DCTN5: variants seen among roughly 807,000 people sequenced by gnomAD.
DCTN5 encodes dynactin subunit 5.
Under a neutral mutation model 23.5 loss-of-function variants are expected in DCTN5, and 14 were observed. The observed-to-expected ratio is 0.60, with a 90% CI of 0.39 to 0.93. The LOEUF (loss-of-function observed/expected upper bound fraction) is 0.93, where lower values mean the gene tolerates loss of function less well. DCTN5 is among the 40% of genes least tolerant of loss of function. DCTN5 has a pLI of 0.00. For synonymous variants in DCTN5, 67 were observed against 79.6 expected (o/e 0.84, Z 0.84); for missense variants, 156 against 225.9 (o/e 0.69, Z 1.98).
chr16:23,642,843 C>A, intron 1 of DCTN5, 112 bp from the exon 2 acceptor site: 1 of 874,328 alleles, frequency 1.1e-6, no homozygotes, highest in Non-Finnish European at 1.9e-6. Flanking sequence ...CCATTGTGGA[C>A]AGCACCCCAC....
chr16:23,648,682 T>G (rs1390841122), intron 2 of DCTN5, among the ~76,000 whole-genome samples: 2 of 152,044 alleles, frequency 1.3e-5, no homozygotes, highest in African/African-American at 4.8e-5. Context: ...ACGTTCATAC[T>G]GTTCTCCATA....
intron 4 of DCTN5, among the ~76,000 whole-genome samples, chr16:23,664,605 T>C: frequency 6.6e-6 from 1 of 151,990 alleles, no homozygotes; most frequent in East Asian, 1.9e-4. Flanking sequence ...CAGCAAGGAG[T>C]CTAAGATACA....
intron 2 of DCTN5, among the ~76,000 whole-genome samples, chr16:23,656,808 T>C (rs1165588121): frequency 6.6e-6 from 1 of 151,972 alleles, no homozygotes; most frequent in African/African-American, 2.4e-5. Context: ...CTAGCCAACA[T>C]GGTGAAACCC....
chr16:23,655,214 C>T (rs1967680897), intron 2 of DCTN5, among the ~76,000 whole-genome samples: 1 of 152,032 alleles, frequency 6.6e-6, no homozygotes, highest in African/African-American at 2.4e-5. Context: ...AAGACATGTA[C>T]AAAAGTAGAG....
rs759417163 is a variant in DCTN5, at chr16:23,667,300, C to G, written c.*156C>G. On this transcript the variant is annotated 3_prime_UTR_variant, in exon 6 of 6. Transcript: ENST00000300087. ...TTAGAATTTCTCAATCTTCAAGGCT[C>G]TAAGTGCTTAAGAATTCACTAACAG... 17 of 889,526 alleles carry G rather than the reference C, an allele frequency of 1.9e-5. No individual in the cohort carries two copies. Among genetic ancestry groups the G allele is most frequent in the African/African-American group, 1.0e-4 (6 of 59,430 alleles). The allele number at this position is 889,526 out of a possible 1,614,324, so 55.1% of individuals were successfully genotyped here. A position where few individuals can be genotyped will look rare whatever the true frequency, so the allele number is the denominator to read the frequency against.
At position 23,674,501 on chromosome 16, in the gene DCTN5, G is replaced by T. The variant is rs1450612231; in HGVS notation, c.*7357G>T. The T allele has an allele frequency of 6.6e-6, 1 of 152,200 alleles. No individual in the cohort carries two copies. Among genetic ancestry groups the T allele is most frequent in the Non-Finnish European group, 1.5e-5 (1 of 68,080 alleles). 9.4% of individuals were successfully genotyped at this position (152,200 alleles called of 1,614,324 possible). On this transcript the variant is annotated 3_prime_UTR_variant, in exon 6 of 6. Transcript: ENST00000300087. ...CTTCTCTCACTGCTGTTGACTTGTTGCATTCAGCTTTTGGGATTAGTTGCA... is the reference window on the plus strand; with the variant it reads ...CTTCTCTCACTGCTGTTGACTTGTTTCATTCAGCTTTTGGGATTAGTTGCA...
chr16:23,651,221 C>T, intron 2 of DCTN5: 1 of 1,019,402 alleles, frequency 9.8e-7, no homozygotes, highest in Non-Finnish European at 1.2e-6. Flanking sequence ...GTTCAGTGAA[C>T]TCTTTGCTTT....
chr16:23,663,509 T>G (rs1208723458), intron 4 of DCTN5, among the ~76,000 whole-genome samples: 2 of 151,448 alleles, frequency 1.3e-5, no homozygotes, highest in East Asian at 3.9e-4. Flanking sequence ...AGGCCAGGAG[T>G]TTAAGACCAG....
rs963012980 is a variant in DCTN5, at chr16:23,674,042, T to C, written c.*6898T>C. ...GTCTGGCCATGCAGCATGCCTTCACTGCTGCTGAAGAAAAGCAGCTGCTTG... is the reference window on the plus strand; with the variant it reads ...GTCTGGCCATGCAGCATGCCTTCACCGCTGCTGAAGAAAAGCAGCTGCTTG... On this transcript the variant is annotated 3_prime_UTR_variant, in exon 6 of 6. Transcript: ENST00000300087. The C allele has an allele frequency of 1.3e-5, 2 of 152,162 alleles. No homozygotes were observed. The highest frequency in any genetic ancestry group is 4.8e-5 in the African/African-American group (2 of 41,454). 9.4% of individuals were successfully genotyped at this position (152,162 alleles called of 1,614,324 possible).
intron 2 of DCTN5, among the ~76,000 whole-genome samples, chr16:23,646,295 T>G (rs891709590): frequency 6.6e-6 from 1 of 152,202 alleles, no homozygotes; most frequent in African/African-American, 2.4e-5. Context: ...TTTTTCTTAT[T>G]GAGTTCTAGG....
rs556434307 is a variant in DCTN5, at chr16:23,672,378, A to C, written c.*5234A>C. ...ATGGGCACTTTATCCCATTTTATAA[A>C]CATGGAAATTGAGGCACAGAGAGAT... On this transcript the variant is annotated 3_prime_UTR_variant, in exon 6 of 6. Transcript: ENST00000300087. The C allele has an allele frequency of 6.6e-6, 1 of 152,204 alleles. No homozygotes were observed. The highest frequency in any genetic ancestry group is 1.5e-5 in the Non-Finnish European group (1 of 68,034). 9.4% of individuals were successfully genotyped at this position (152,204 alleles called of 1,614,324 possible).
At chr16:23,648,332 T>A (rs1444434319) in intron 2 of DCTN5, among the ~76,000 whole-genome samples, 1 of 147,696 alleles carries the variant, frequency 6.8e-6, no homozygotes, top group African/African-American at 2.6e-5. Flanking sequence ...GGCTAATTTT[T>A]TTTTCTTTTT....
At chr16:23,655,488 G>A (rs1285170673) in intron 2 of DCTN5, among the ~76,000 whole-genome samples, 6 of 151,690 alleles carry the variant, frequency 4.0e-5, no homozygotes, top group East Asian at 1.9e-4. Flanking sequence ...TGATCCTTCC[G>A]CCTCAGCCTC....
In DCTN5 at chr16:23,661,254, T is replaced by C. The variant is rs771563028; in HGVS notation, c.321T>C (p.Tyr107=). The C allele has an allele frequency of 4.3e-6, 7 of 1,612,450 alleles. No homozygotes were observed. The Admixed American group carries it at 8.4e-5, about 19-fold the overall frequency. ...TCAACGCAGCACAGATTGGTTCCTA[T>C]GTTCATGTTGGGAAGAACTGTGTGA... is the stretch of plus-strand genomic sequence containing the variant. The part of the protein sequence containing the change: ...CVVNAAQIGS[Y]VHVGKNCVIG... The change falls in exon 4 of 6, where the codon TAT becomes TAC. Residue 107 remains tyrosine (Y), a synonymous_variant. Transcript: ENST00000300087.
intron 2 of DCTN5, chr16:23,650,825 T>C (rs1326802198): frequency 1.3e-6 from 2 of 1,494,200 alleles, no homozygotes; most frequent in Non-Finnish European, 1.8e-6. Flanking sequence ...TAGAAAGAGA[T>C]CAGATGAGTC....
chr16:23,665,292 G>C (rs1265239820), intron 4 of DCTN5, among the ~76,000 whole-genome samples: 14 of 152,318 alleles, frequency 9.2e-5, no homozygotes, highest in South Asian at 8.3e-4. Flanking sequence ...CCAGAAGAAA[G>C]GGGAATGGAT....
chr16:23,657,001 A>T (rs113356949), intron 2 of DCTN5, among the ~76,000 whole-genome samples: 4,695 of 152,104 alleles, frequency 0.031, 128 homozygotes, highest in Middle Eastern at 0.13. Context: ...AAAAAAAAAA[A>T]AAATAAAGAC....
In DCTN5 at chr16:23,670,786, C is replaced by CT. The variant is rs1244306021; in HGVS notation, c.*3642_*3643insT. Reference sequence around the variant, plus strand: ...CATGATAACTGAAACACTTCTAGAGCCCCCCAGCAATGGGCTTGTGCTTTT... The same window carrying CT: ...CATGATAACTGAAACACTTCTAGAGCTCCCCCAGCAATGGGCTTGTGCTTTT... On this transcript the variant is annotated 3_prime_UTR_variant, in exon 6 of 6. Transcript: ENST00000300087. 2 of 133,944 alleles carry CT rather than the reference C, an allele frequency of 1.5e-5. No homozygotes were observed. The highest frequency in any genetic ancestry group is 3.0e-5 in the Non-Finnish European group (2 of 65,846). The allele number at this position is 133,944 out of a possible 1,614,324, so 8.3% of individuals were successfully genotyped here.
chr16:23,645,379 C>T (rs1967436752), intron 2 of DCTN5, among the ~76,000 whole-genome samples: 1 of 151,746 alleles, frequency 6.6e-6, no homozygotes, highest in Non-Finnish European at 1.5e-5. Flanking sequence ...CCCTCCTTGG[C>T]CTTCCAAAGT....
Sources: allele counts gnomAD v4.1 joint callset (sites outside exome capture counted in the v4.1 genomes callset), GRCh38; gene constraint gnomAD v4.1.1; transcripts MANE v1.5; gene names NCBI Gene and HGNC (gene_info 2026-07-23, HGNC 2026-07-21).